ZFHX3: variants seen among roughly 807,000 people sequenced by gnomAD.
The protein encoded by ZFHX3 is zinc finger homeobox 3, also known as zinc finger homeobox protein 3.
ZFHX3 carries 42 observed loss-of-function variants against 279.1 expected under a neutral mutation model. The observed-to-expected ratio is 0.15, with a 90% CI of 0.12 to 0.19. ZFHX3 has a LOEUF of 0.19. ZFHX3 is among the 10% of genes least tolerant of loss of function. The pLI is 1.00. For synonymous variants in ZFHX3, 2,293 were observed against 1,957.8 expected, an observed-to-expected ratio of 1.17 and a Z score of -4.52; for missense variants, 4,981 against 4,754.0, an observed-to-expected ratio of 1.05 and a Z score of -1.40.
chr16:73,578,996 C>A (rs996936229), intron 2 of ZFHX3, among the ~76,000 whole-genome samples: 1 of 152,192 alleles, frequency 6.6e-6, no homozygotes, highest in African/African-American at 2.4e-5. Flanking sequence ...TCGTTACACT[C>A]TCCTCCCATT....
intron 3 of ZFHX3, among the ~76,000 whole-genome samples, chr16:73,392,440 A>AAAAG: frequency 6.7e-6 from 1 of 149,958 alleles, no homozygotes; most frequent in South Asian, 2.1e-4. Context: ...AAAAAAAAAA[A>AAAAG]AAAGAGTGAA....
In ZFHX3 at chr16:73,640,279, A is replaced by G. The variant is rs1050493789; in HGVS notation, c.-1547+39901T>C. Among the ~76,000 whole-genome samples, 6 of 152,318 alleles carry G rather than the reference A, an allele frequency of 3.9e-5. No individual in the cohort carries two copies. The East Asian group carries it at 7.7e-4, about 20-fold the overall frequency. ...GAGAATTATCACTTGGTGGTCTCCA[A>G]GTGAAAACAGTCATTCCCTGCCTCA... On this transcript the variant is annotated intron_variant, in intron 2 of 17. Coordinates refer to the ZFHX3 transcript ENST00000641206.
rs191383433 is a variant in ZFHX3, at chr16:73,118,609, G to C, written c.-897+12359C>G. On this transcript the variant is annotated intron_variant, in intron 7 of 17. Coordinates refer to the ZFHX3 transcript ENST00000641206. ...TCTTCAGTGTATTGGGTGTATTGGGGGTAGATAACTTATTTAATCACAGGT... is the reference window on the plus strand; with the variant it reads ...TCTTCAGTGTATTGGGTGTATTGGGCGTAGATAACTTATTTAATCACAGGT... Among the ~76,000 whole-genome samples, 23 of 152,204 alleles carry C rather than the reference G, an allele frequency of 1.5e-4. 1 individual carries two copies. In the East Asian group the frequency reaches 4.3e-3, roughly 28 times the overall value.
intron 1 of ZFHX3, among the ~76,000 whole-genome samples, chr16:73,746,490 A>G (rs1406191944): frequency 6.6e-6 from 1 of 152,246 alleles, no homozygotes; most frequent in African/African-American, 2.4e-5. Flanking sequence ...TACTTAATAC[A>G]GAGTCATCTT....
chr16:73,800,417 A>T (rs907747643), intron 1 of ZFHX3, among the ~76,000 whole-genome samples: 16 of 151,988 alleles, frequency 1.1e-4, no homozygotes, highest in African/African-American at 3.6e-4. Context: ...GGGTTTCACC[A>T]TATTGGTCAG....
chr16:73,862,537 G>T (rs1408952837), intron 1 of ZFHX3, among the ~76,000 whole-genome samples: 1 of 152,164 alleles, frequency 6.6e-6, no homozygotes, highest in Non-Finnish European at 1.5e-5. Flanking sequence ...CATTTTGAGA[G>T]GCTGAGGCAG....
chr16:73,579,787 A>T (rs2051838770), intron 2 of ZFHX3, among the ~76,000 whole-genome samples: 1 of 148,490 alleles, frequency 6.7e-6, no homozygotes, highest in African/African-American at 2.5e-5. Flanking sequence ...TAATTATAAA[A>T]ATATTCTCCT....
At chr16:73,275,731 G>A (rs1597256755) in intron 4 of ZFHX3, among the ~76,000 whole-genome samples, 2 of 152,320 alleles carry the variant, frequency 1.3e-5, no homozygotes, top group East Asian at 3.9e-4. Flanking sequence ...AACAAATGCT[G>A]ATGCTGAATC....
intron 3 of ZFHX3, among the ~76,000 whole-genome samples, chr16:73,379,839 G>A (rs1442871155): frequency 4.6e-5 from 7 of 152,164 alleles, no homozygotes; most frequent in Admixed American, 3.9e-4. Flanking sequence ...AAATTAGGAT[G>A]GAAATTGCAG....
intron 1 of ZFHX3, among the ~76,000 whole-genome samples, chr16:73,737,551 C>T (rs1359470313): frequency 6.6e-6 from 1 of 151,986 alleles, no homozygotes; most frequent in East Asian, 1.9e-4. Flanking sequence ...TAACGATTAA[C>T]AATTAAAAAT....
chr16:73,093,117 C>G, intron 8 of ZFHX3: 1 of 520,088 alleles, frequency 1.9e-6, no homozygotes, highest in Non-Finnish European at 3.8e-6. Flanking sequence ...TCAAAGAACT[C>G]TGAAAACAAG....
chr16:72,793,810 G>A lies in ZFHX3; in HGVS notation c.8872C>T (p.Leu2958=), dbSNP rs1317123267. The part of the protein sequence containing the change: ...RFRTQMTNLQ[L]KVLKSCFNDY... ...TTAAAGCATGACTTGAGGACCTTCA[G>A]CTGCAGATTGGTCATTTGAGTGCGA... The change falls in exon 9 of 10, where the codon CTG becomes TTG. Residue 2958 remains leucine, a synonymous_variant. Transcript: ENST00000268489. The surrounding 1 kb of genome is among the most constrained non-coding windows in gnomAD (Gnocchi z 4.3). 1 of 1,614,178 alleles carries A rather than the reference G, an allele frequency of 6.2e-7. No homozygotes were observed. The highest frequency in any genetic ancestry group is 8.5e-7 in the Non-Finnish European group (1 of 1,180,036).
At chr16:73,042,776 G>C (rs1258077345) in intron 1 of ZFHX3, among the ~76,000 whole-genome samples, 1 of 152,186 alleles carries the variant, frequency 6.6e-6, no homozygotes, top group South Asian at 2.1e-4. Context: ...TCAGAGTCCA[G>C]TGGAGCCAGT....
rs2143446515 is a variant in ZFHX3 at position 72,797,171 on chromosome 16, A to G, written c.5511T>C (p.Ala1837=). 4 of 1,613,820 alleles carry G rather than the reference A, an allele frequency of 2.5e-6. No homozygotes were observed. Among genetic ancestry groups the G allele is most frequent in the Non-Finnish European group, 3.4e-6 (4 of 1,179,988 alleles). Residue 1837 remains alanine (A), a synonymous_variant, in exon 9 of 10, where the codon GCT becomes GCC. Transcript: ENST00000268489. The part of the protein sequence containing the change: ...TGPGLLEDLK[A]QVQVPQQSHQ... ...GGCTCTGCTGTGGGACCTGAACCTG[A>G]GCCTTCAGATCTTCCAGCAGGCCTG...
chr16:73,815,169 C>T (rs1188735260), intron 1 of ZFHX3, among the ~76,000 whole-genome samples: 3 of 152,180 alleles, frequency 2.0e-5, no homozygotes, highest in African/African-American at 4.8e-5. Flanking sequence ...ATTATAATAG[C>T]ATCTATTGTT....
intron 1 of ZFHX3, among the ~76,000 whole-genome samples, chr16:73,880,865 G>C (rs1383520828): frequency 6.6e-6 from 1 of 152,150 alleles, no homozygotes; most frequent in Non-Finnish European, 1.5e-5. Context: ...CTTGAAAAAT[G>C]TAAACGACAT....
At chr16:73,664,800 A>T (rs1177863620) in intron 2 of ZFHX3, among the ~76,000 whole-genome samples, 1 of 152,254 alleles carries the variant, frequency 6.6e-6, no homozygotes, top group African/African-American at 2.4e-5. Flanking sequence ...TTAACAGAGC[A>T]TTCAGATACA....
At chr16:73,096,571 T>A (rs1186566367) in intron 7 of ZFHX3, among the ~76,000 whole-genome samples, 2 of 144,410 alleles carry the variant, frequency 1.4e-5, no homozygotes, top group Non-Finnish European at 3.1e-5. Flanking sequence ...CCCAGCTAAT[T>A]TTTTTTTTTT....
intron 3 of ZFHX3, among the ~76,000 whole-genome samples, chr16:73,330,121 C>T (rs545916235): frequency 3.3e-5 from 5 of 152,146 alleles, no homozygotes; most frequent in East Asian, 1.9e-4. Context: ...TATGAGCAGG[C>T]GCTCCAACAG....
Sources: gnomAD v4.1 joint callset for allele counts (sites outside exome capture counted in the v4.1 genomes callset) on GRCh38, gnomAD v4.1.1 for gene constraint, Gnocchi (gnomAD v3.1) non-coding constraint, MANE v1.5 for transcripts, NCBI Gene and HGNC (gene_info 2026-07-23, HGNC 2026-07-21) for gene names.